SLIT3: variants seen among roughly 807,000 people sequenced by gnomAD.
The protein encoded by SLIT3 is slit homolog 3 protein.
A neutral mutation model predicts 184.0 loss-of-function variants in SLIT3; 68 were observed. The ratio of observed to expected loss-of-function variants is 0.37; its 90% CI spans 0.30 to 0.45. The LOEUF is 0.45. SLIT3 is among the 20% of genes least tolerant of loss of function. The pLI is 1.00. For synonymous variants in SLIT3, 831 were observed against 828.6 expected, an observed-to-expected ratio of 1.00 and a Z score of -0.05; for missense variants, 1,707 against 2,026.0, an observed-to-expected ratio of 0.84 and a Z score of 3.02.
At chr5:168,679,783 A>G (rs1761526306) in intron 32 of SLIT3, among the ~76,000 whole-genome samples, 1 of 152,194 alleles carries the variant, frequency 6.6e-6, no homozygotes, top group South Asian at 2.1e-4. Flanking sequence ...TCCCGGAGCC[A>G]GCACGGTGGG....
At chr5:168,951,538 A>G (rs1202264761) in intron 4 of SLIT3, among the ~76,000 whole-genome samples, 6 of 152,206 alleles carry the variant, frequency 3.9e-5, no homozygotes, top group Non-Finnish European at 7.3e-5. Flanking sequence ...AAACCCTTAC[A>G]AATACTTGGC....
At chr5:168,809,645 T>C (rs10038650) in intron 8 of SLIT3, among the ~76,000 whole-genome samples, 16,540 of 152,264 alleles carry the variant, frequency 0.11, 1,197 homozygotes, top group African/African-American at 0.2. Context: ...AATTCCATAA[T>C]GGCAGTGGTG....
At chr5:169,121,696 T>A (rs2668053) in intron 4 of SLIT3, among the ~76,000 whole-genome samples, 51,557 of 152,152 alleles carry the variant, frequency 0.34, 8,850 homozygotes, top group East Asian at 0.44. Flanking sequence ...AATCAACACT[T>A]CTTCCTGGTT....
At chr5:169,284,520 T>C (rs1229365683) in intron 1 of SLIT3, among the ~76,000 whole-genome samples, 1 of 152,202 alleles carries the variant, frequency 6.6e-6, no homozygotes, top group African/African-American at 2.4e-5. Flanking sequence ...GTGGCTAATA[T>C]AGGTACCATT....
chr5:168,849,147 C>T lies in SLIT3; in HGVS notation c.486-4492G>A, dbSNP rs79419216. Among the ~76,000 whole-genome samples the T allele has an allele frequency of 8.6e-4, 131 of 152,334 alleles. No homozygotes were observed. In the East Asian group the frequency reaches 0.017, roughly 20 times the overall value. ...GAAAATAGATATCTTCAGAAATAGG[C>T]TTTGGGTATCTGGAAGAAAAGTCGA... On this transcript the variant is annotated intron_variant, in intron 5 of 35. Transcript: ENST00000519560.
intron 5 of SLIT3, among the ~76,000 whole-genome samples, chr5:168,882,186 C>T (rs1210541885): frequency 6.6e-6 from 1 of 152,090 alleles, no homozygotes; most frequent in African/African-American, 2.4e-5. Context: ...TTTTAAGCCT[C>T]CCTTAAGACG....
chr5:168,970,065 C>T (rs759107900), intron 4 of SLIT3, among the ~76,000 whole-genome samples: 3 of 152,168 alleles, frequency 2.0e-5, no homozygotes, highest in African/African-American at 4.8e-5. Context: ...CCTGTAGTCC[C>T]AGCTATTCGG....
chr5:168,682,751 C>T (rs1039095941), intron 32 of SLIT3, among the ~76,000 whole-genome samples: 2 of 152,238 alleles, frequency 1.3e-5, no homozygotes, highest in African/African-American at 4.8e-5. Context: ...GGAAGAAAGT[C>T]TGAAAGTTGC....
At chr5:169,297,302 T>C (rs572061671) in intron 1 of SLIT3, among the ~76,000 whole-genome samples, 18 of 152,308 alleles carry the variant, frequency 1.2e-4, no homozygotes, top group African/African-American at 4.1e-4. Context: ...ATAGGGAAGA[T>C]CTTGGAACAC....
rs569289304 is a variant in SLIT3, at chr5:168,837,483, G to A, written c.557+7101C>T. On this transcript the variant is annotated intron_variant, in intron 6 of 35. Coordinates refer to ENST00000519560, the MANE Select transcript of SLIT3 (RefSeq NM_003062.4). Reference sequence around the variant, plus strand: ...TAGCCAGAGAAATGCAAAATCAAAGGTAATGTGAAAAGTGGACTGGTTCAG... The same window carrying A: ...TAGCCAGAGAAATGCAAAATCAAAGATAATGTGAAAAGTGGACTGGTTCAG... Among the ~76,000 whole-genome samples the A allele has an allele frequency of 2.0e-5, 3 of 152,254 alleles. No homozygotes were observed. The East Asian group carries it at 5.8e-4, about 29-fold the overall frequency.
rs112439264 is a variant in SLIT3, at chr5:168,728,981, T to A, written c.2271-4497A>T. Among the ~76,000 whole-genome samples, 204 of 149,616 alleles carry A rather than the reference T, an allele frequency of 1.4e-3. 1 individual carries two copies. Among genetic ancestry groups the A allele is most frequent in the African/African-American group, 4.5e-3 (184 of 40,852 alleles). ...GAAATTCTGAAACTAAAAAATTAAT[T>A]GAAGGAAATACAAAATACATTAGAA... On this transcript the variant is annotated intron_variant, in intron 20 of 35. Coordinates refer to ENST00000519560, the MANE Select transcript of SLIT3 (RefSeq NM_003062.4).
intron 4 of SLIT3, among the ~76,000 whole-genome samples, chr5:168,941,356 G>C (rs1254709486): frequency 6.6e-6 from 1 of 152,128 alleles, no homozygotes; most frequent in Non-Finnish European, 1.5e-5. Context: ...CCTAGGTTAG[G>C]TCATTTCATC....
At chr5:169,215,845 G>A (rs1764417118) in intron 3 of SLIT3, among the ~76,000 whole-genome samples, 1 of 152,174 alleles carries the variant, frequency 6.6e-6, no homozygotes, top group East Asian at 1.9e-4. Flanking sequence ...TTTAGGAATT[G>A]TCTTTTCTTG....
At chr5:169,047,934 TAGCATGGTGCCACA>T (rs539704175) in intron 4 of SLIT3, among the ~76,000 whole-genome samples, 171 of 151,966 alleles carry the variant, frequency 1.1e-3, no homozygotes, top group African/African-American at 3.9e-3. Flanking sequence ...CACAGCAACT[TAGCATGGTGCCACA>T]AGCATCGATT....
chr5:169,000,392 C>CAAAAAAAAAAA (rs34002967), intron 4 of SLIT3, among the ~76,000 whole-genome samples: 1 of 42,324 alleles, frequency 2.4e-5, no homozygotes, highest in African/African-American at 1.0e-4. Flanking sequence ...AACTCCATCT[C>CAAAAAAAAAAA]AAAAAAAAAA....
intron 4 of SLIT3, among the ~76,000 whole-genome samples, chr5:168,915,389 A>G (rs1325411093): frequency 6.6e-6 from 1 of 152,148 alleles, no homozygotes; most frequent in Non-Finnish European, 1.5e-5. Context: ...ACAATAGAGC[A>G]ATTGATCAAT....
At chr5:169,158,012 G>C (rs1236005923) in intron 4 of SLIT3, among the ~76,000 whole-genome samples, 1 of 150,928 alleles carries the variant, frequency 6.6e-6, no homozygotes, top group Non-Finnish European at 1.5e-5. Context: ...TGTATAATCA[G>C]ATATCAAAAA....
chr5:169,139,982 T>A (rs1055039035), intron 4 of SLIT3, among the ~76,000 whole-genome samples: 16 of 152,280 alleles, frequency 1.1e-4, no homozygotes, highest in Admixed American at 9.2e-4. Context: ...AGGGGCGGGC[T>A]GGCCTGCTGC....
At chr5:169,240,009 A>T (rs2113570183) in intron 3 of SLIT3, among the ~76,000 whole-genome samples, 1 of 152,162 alleles carries the variant, frequency 6.6e-6, no homozygotes, top group East Asian at 1.9e-4. Flanking sequence ...TCTAATTTCC[A>T]CTGTGATATG....
Sources: allele counts gnomAD v4.1 joint callset (sites outside exome capture counted in the v4.1 genomes callset), GRCh38; gene constraint gnomAD v4.1.1; transcripts MANE v1.5; gene names NCBI Gene and HGNC (gene_info 2026-07-23, HGNC 2026-07-21).